Variants in XPO1 observed in about 807,000 individuals in gnomAD.
XPO1 encodes the protein exportin-1.
XPO1 carries 5 observed loss-of-function variants against 133.3 expected under a neutral mutation model. The ratio of observed to expected loss-of-function variants is 0.04; its 90% CI spans 0.02 to 0.08. XPO1 has a LOEUF of 0.08. XPO1 is among the 10% of genes least tolerant of loss of function. XPO1 has a pLI of 1.00. For missense variants in XPO1, 506 were observed against 1,267.5 expected (o/e 0.40, Z 9.12); for synonymous variants, 419 against 408.2 (o/e 1.03, Z -0.32).
chr2:61,529,800 C>T (rs1169786879), intron 2 of XPO1, among the ~76,000 whole-genome samples: 1 of 152,190 alleles, frequency 6.6e-6, no homozygotes, highest in Non-Finnish European at 1.5e-5. Flanking sequence ...GGAAAACACA[C>T]TGCTACACAC....
At position 61,485,882 on chromosome 2, in the gene XPO1, T is replaced by C. The variant is rs764394002; in HGVS notation, c.2394A>G (p.Pro798=). The C allele has an allele frequency of 4.3e-6, 7 of 1,614,212 alleles. No homozygotes were observed. The highest frequency in any genetic ancestry group is 5.9e-6 in the Non-Finnish European group (7 of 1,180,026). ...YQRNVPAARE[P]EVLSTMAIIV... ...TTATGGCCATAGTACTAAGCACTTC[T>C]GGTTCTCTAGCAGCTGGGACATTTC... The change falls in exon 20 of 25, where the codon CCA becomes CCG. Residue 798 remains proline, a synonymous_variant. Coordinates refer to ENST00000401558, the MANE Select transcript of XPO1 (RefSeq NM_003400.4).
chr2:61,516,875 G>C (rs992733667), intron 4 of XPO1, among the ~76,000 whole-genome samples: 1 of 151,242 alleles, frequency 6.6e-6, no homozygotes, highest in African/African-American at 2.4e-5. Context: ...TTTTTTATTT[G>C]AATTATCTAA....
intron 1 of XPO1, among the ~76,000 whole-genome samples, chr2:61,535,576 T>C (rs1431613932): frequency 2.0e-5 from 3 of 152,236 alleles, no homozygotes; most frequent in African/African-American, 7.2e-5. Flanking sequence ...AAATTCTATT[T>C]TAATGCAATT....
At chr2:61,498,547 C>A in intron 9 of XPO1, 126 bp downstream of exon 9, 1 of 1,255,226 alleles carries the variant, frequency 8.0e-7, no homozygotes, top group East Asian at 2.5e-5. Context: ...GAAATTTCTC[C>A]TGAGCAGCGT....
chr2:61,488,994 C>T (rs570357726), intron 17 of XPO1, among the ~76,000 whole-genome samples: 123 of 151,772 alleles, frequency 8.1e-4, no homozygotes, highest in Middle Eastern at 3.4e-3. Flanking sequence ...CCCACCTACT[C>T]GGGAGGTTGA....
At position 61,485,975 on chromosome 2, in the gene XPO1, G is replaced by A. The variant is rs200388740; in HGVS notation, c.2314-13C>T. 565 of 1,581,844 alleles carry A rather than the reference G, an allele frequency of 3.6e-4. 2 individuals are homozygous for A. Among genetic ancestry groups the A allele is most frequent in the Middle Eastern group, 1.5e-3 (9 of 5,900 alleles). ...AATTTTCAGCGACCTGTTGGGGAGG[G>A]AAAAAAAAGTTATGTTTTAATTTAG... is the stretch of plus-strand genomic sequence containing the variant. On this transcript the variant is annotated splice_polypyrimidine_tract_variant and intron_variant, in intron 19 of 24. Transcript: ENST00000401558.
intron 19 of XPO1, among the ~76,000 whole-genome samples, chr2:61,487,961 C>T (rs1277574212): frequency 1.3e-5 from 2 of 152,178 alleles, no homozygotes; most frequent in Admixed American, 6.5e-5. Context: ...CACCACCCTT[C>T]GCTACTGATT....
Position 61,493,063 on chromosome 2 carries a change from A to G in XPO1, c.1246-10T>C, listed in dbSNP as rs749079043. On this transcript the variant is annotated splice_polypyrimidine_tract_variant and intron_variant, in intron 12 of 24. Transcript: ENST00000401558. ...CCATTAATAAACGGACCTATACTCA[A>G]CAATATATCAATCAAGAAAAAAATC... 2.9e-5 allele frequency: 45 copies of G among 1,561,108 alleles called. No homozygotes were observed. Among genetic ancestry groups the G allele is most frequent in the Non-Finnish European group, 3.8e-5 (44 of 1,163,782 alleles).
In XPO1 at chr2:61,526,513, C is replaced by G; in HGVS notation, c.135G>C (p.Met45Ile). The G allele has an allele frequency of 6.4e-7, 1 of 1,564,956 alleles. No homozygotes were observed. The highest frequency in any genetic ancestry group is 2.3e-5 in the East Asian group (1 of 43,644). The change falls in exon 3 of 25, where the codon ATG becomes ATC. Residue 45 changes from methionine (M) to isoleucine (I), a missense_variant. This residue lies in a region of XPO1 where 68 missense variants were observed against 210.5 expected (regional missense o/e 0.32). Coordinates refer to ENST00000401558, the MANE Select transcript of XPO1 (RefSeq NM_003400.4). ...TTAAATGTGTCAGTACTTCTTGAGC[C>G]ATTCTTTGCTAAAATATTATTAAAA... is the stretch of plus-strand genomic sequence containing the variant. ...LYHGEGAQQR[M>I]AQEVLTHLKE...
intron 4 of XPO1, among the ~76,000 whole-genome samples, chr2:61,506,133 G>A (rs1031144901): frequency 6.6e-6 from 1 of 152,188 alleles, no homozygotes; most frequent in African/African-American, 2.4e-5. Context: ...ATTAAGAATA[G>A]CATTCCAGCC....
At chr2:61,506,593 C>A (rs1285291328) in intron 4 of XPO1, among the ~76,000 whole-genome samples, 3 of 21,172 alleles carry the variant, frequency 1.4e-4, no homozygotes, top group African/African-American at 2.4e-4. Context: ...AGCAAGATTC[C>A]GTCTCAAAAA....
chr2:61,484,220 G>A, intron 20 of XPO1, 115 bp from the exon 21 acceptor site: 1 of 896,498 alleles, frequency 1.1e-6, no homozygotes, highest in Non-Finnish European at 1.7e-6. Context: ...ATAAACCACA[G>A]AAGATAGAAT....
chr2:61,497,591 A>T (rs562275565), intron 9 of XPO1, among the ~76,000 whole-genome samples: 25 of 152,322 alleles, frequency 1.6e-4, no homozygotes, highest in Non-Finnish European at 2.9e-4. Flanking sequence ...GACTTTTAGG[A>T]ATGTTATACT....
intron 4 of XPO1, among the ~76,000 whole-genome samples, chr2:61,508,312 C>A (rs185657882): frequency 3.3e-5 from 5 of 152,288 alleles, no homozygotes; most frequent in African/African-American, 1.2e-4. Context: ...AATACACACC[C>A]GTAGAAATGC....
intron 2 of XPO1, among the ~76,000 whole-genome samples, chr2:61,531,938 T>C (rs1699171993): frequency 6.6e-6 from 1 of 152,184 alleles, no homozygotes; most frequent in African/African-American, 2.4e-5. Context: ...TTTTTCTACT[T>C]TTAGCGTTTC....
intron 1 of XPO1, chr2:61,534,369 C>T (rs1404336042): frequency 6.6e-6 from 1 of 152,304 alleles, no homozygotes; most frequent in Non-Finnish European, 1.5e-5. Flanking sequence ...ATTATCTTAA[C>T]TTTATAAAAA....
chr2:61,527,208 G>A (rs568366352), intron 2 of XPO1, among the ~76,000 whole-genome samples: 2 of 151,322 alleles, frequency 1.3e-5, no homozygotes, highest in East Asian at 3.9e-4. Flanking sequence ...AGTGTTTCAT[G>A]CCTGTAATCC....
chr2:61,481,356 T>C (rs755552711), intron 23 of XPO1, 75 bp from the exon 24 acceptor site: 109 of 1,067,964 alleles, frequency 1.0e-4, no homozygotes, highest in Non-Finnish European at 1.4e-4. Context: ...GTCACCAGGC[T>C]GGAGTACAGT....
intron 4 of XPO1, 80 bp downstream of exon 4, chr2:61,522,531 C>G (rs1698744961): frequency 7.5e-6 from 9 of 1,206,556 alleles, no homozygotes; most frequent in Non-Finnish European, 1.1e-5. Context: ...AGATTCATTA[C>G]ATGCCCCCTC....
Sources: gnomAD v4.1 joint callset for allele counts (sites outside exome capture counted in the v4.1 genomes callset) on GRCh38, gnomAD v4.1.1 for gene constraint, gnomAD v4.1.1 regional missense constraint, MANE v1.5 for transcripts, NCBI Gene and HGNC (gene_info 2026-07-23, HGNC 2026-07-21) for gene names.